The following PCDHGB3 variants were observed in gnomAD, a reference collection of about 807,000 sequenced individuals.
PCDHGB3 encodes protocadherin gamma subfamily B, 3, also known as protocadherin gamma-B3.
PCDHGB3 carries 40 observed loss-of-function variants against 59.2 expected under a neutral mutation model. The ratio of observed to expected loss-of-function variants is 0.68; its 90% CI spans 0.52 to 0.88. PCDHGB3 has a LOEUF of 0.88. PCDHGB3 is among the 40% of genes least tolerant of loss of function. The pLI, the probability that PCDHGB3 is intolerant of heterozygous loss-of-function variation, is 0.00. For synonymous variants in PCDHGB3, 581 were observed against 503.6 expected (o/e 1.15, Z -2.06); for missense variants, 1,309 against 1,187.9 (o/e 1.10, Z -1.50).
intron 1 of PCDHGB3, among the ~76,000 whole-genome samples, chr5:141,454,607 T>C (rs1207742002): frequency 6.6e-6 from 1 of 151,574 alleles, no homozygotes; most frequent in Non-Finnish European, 1.5e-5. Flanking sequence ...GGTTTCTCCA[T>C]GTTGGTCAGG....
At chr5:141,466,348 G>A (rs2099120992) in intron 1 of PCDHGB3, among the ~76,000 whole-genome samples, 2 of 151,876 alleles carry the variant, frequency 1.3e-5, no homozygotes, top group Admixed American at 6.6e-5. Context: ...TTTTTTTGCA[G>A]CTAATCTAGA....
At chr5:141,387,016 T>C (rs2090783508) in intron 1 of PCDHGB3, among the ~76,000 whole-genome samples, 1 of 152,202 alleles carries the variant, frequency 6.6e-6, no homozygotes, top group South Asian at 2.1e-4. Flanking sequence ...ACTTTGAAGA[T>C]GAATGTTGTA....
At chr5:141,392,668 C>T in intron 1 of PCDHGB3, 2 of 849,812 alleles carry the variant, frequency 2.4e-6, no homozygotes, top group Admixed American at 3.2e-5. Flanking sequence ...CACAAACTAA[C>T]TGCTGGACTG....
chr5:141,383,057 G>A (rs1778763110), intron 1 of PCDHGB3: 2 of 1,613,902 alleles, frequency 1.2e-6, no homozygotes, highest in Non-Finnish European at 1.7e-6. Context: ...AAGGACCTGG[G>A]GCTGGAGCCC....
At chr5:141,387,019 A>G (rs753625930) in intron 1 of PCDHGB3, among the ~76,000 whole-genome samples, 1 of 152,192 alleles carries the variant, frequency 6.6e-6, no homozygotes, top group Non-Finnish European at 1.5e-5. Context: ...TTGAAGATGA[A>G]TGTTGTATTT....
intron 1 of PCDHGB3, chr5:141,423,914 A>G (rs2096790099): frequency 3.0e-5 from 38 of 1,268,116 alleles, no homozygotes; most frequent in Non-Finnish European, 3.0e-6. Flanking sequence ...GGGGCCATTC[A>G]ACTATGCTGG....
intron 1 of PCDHGB3, chr5:141,414,145 C>T (rs1157390595): frequency 6.3e-7 from 1 of 1,597,566 alleles, no homozygotes; most frequent in Non-Finnish European, 8.5e-7. Context: ...AATAGAAATA[C>T]AAGCAGAAGA....
At chr5:141,427,818 G>A (rs1356936077) in intron 1 of PCDHGB3, 3 of 1,530,644 alleles carry the variant, frequency 2.0e-6, no homozygotes, top group Non-Finnish European at 2.7e-6. Context: ...GAGCGGGGTG[G>A]TGGTCGCGCA....
intron 1 of PCDHGB3, among the ~76,000 whole-genome samples, chr5:141,454,657 C>T (rs554561906): frequency 5.1e-4 from 77 of 152,192 alleles, no homozygotes; most frequent in African/African-American, 1.7e-3. Flanking sequence ...CTGCCCACCT[C>T]GGCCTCCCAA....
chr5:141,375,000 A>G (rs1771022536), intron 1 of PCDHGB3: 3 of 1,614,046 alleles, frequency 1.9e-6, no homozygotes, highest in Non-Finnish European at 8.5e-7. Context: ...ACTTCTGCAA[A>G]TCTAGACTAT....
rs760878091 is a variant in PCDHGB3 at position 141,476,406 on chromosome 5, T to A, written c.2416-18401T>A. The A allele has an allele frequency of 6.2e-7, 1 of 1,614,054 alleles. No individual in the cohort carries two copies. The highest frequency in any genetic ancestry group is 8.5e-7 in the Non-Finnish European group (1 of 1,180,002). On this transcript the variant is annotated intron_variant, in intron 1 of 3. Transcript: ENST00000576222. The surrounding 1 kb of genome is among the most constrained non-coding windows in gnomAD (Gnocchi z 7.6). Reference sequence around the variant, plus strand: ...AACGACCGTCTGGATCGAGAGGAGCTGTGTGGGACACTGCCCTCTTGCACT... The same window carrying A: ...AACGACCGTCTGGATCGAGAGGAGCAGTGTGGGACACTGCCCTCTTGCACT...
chr5:141,428,227 A>T (rs2154552643), intron 1 of PCDHGB3: 1 of 1,100,784 alleles, frequency 9.1e-7, no homozygotes, highest in Admixed American at 1.9e-5. Context: ...CTTCGCAGAC[A>T]GCCTGCAGGA....
At chr5:141,410,425 C>G (rs779212749) in intron 1 of PCDHGB3, 1 of 1,614,030 alleles carries the variant, frequency 6.2e-7, no homozygotes, top group South Asian at 1.1e-5. Flanking sequence ...TAGTTCCCCC[C>G]AACTACAGTG....
chr5:141,490,061 A>T lies in PCDHGB3; in HGVS notation c.2416-4746A>T. The stretch of plus-strand genomic sequence containing the variant: ...GCCACTGATCCAGACGAGGGCACCA[A>T]CGGCCAACTAGACTATTCTTTTGGA... On this transcript the variant is annotated intron_variant, in intron 1 of 3. Transcript: ENST00000576222. This position sits in a 1 kb window ranked among gnomAD's most constrained non-coding sequence, Gnocchi z 5.4. 1 of 1,614,214 alleles carries T rather than the reference A, an allele frequency of 6.2e-7. No homozygotes were observed. The highest frequency in any genetic ancestry group is 8.5e-7 in the Non-Finnish European group (1 of 1,180,030).
At chr5:141,378,814 T>C (rs915920148) in intron 1 of PCDHGB3, 6 of 152,232 alleles carry the variant, frequency 3.9e-5, no homozygotes, top group Non-Finnish European at 8.8e-5. Flanking sequence ...AACAGAATCA[T>C]TGTTTCATGA....
chr5:141,455,448 C>T (rs1403500578), intron 1 of PCDHGB3, among the ~76,000 whole-genome samples: 1 of 152,112 alleles, frequency 6.6e-6, no homozygotes, highest in African/African-American at 2.4e-5. Context: ...CCATCTACCG[C>T]GGATACCAGC....
intron 1 of PCDHGB3, chr5:141,421,732 C>T: frequency 6.2e-7 from 1 of 1,613,934 alleles, no homozygotes; most frequent in Non-Finnish European, 8.5e-7. Flanking sequence ...GAACTCCCTC[C>T]AGAGCTACCA....
chr5:141,419,981 A>G (rs2096455772), intron 1 of PCDHGB3: 2 of 1,613,934 alleles, frequency 1.2e-6, no homozygotes, highest in East Asian at 2.2e-5. Flanking sequence ...CCTCGCGGTG[A>G]TTCTAGCTAT....
chr5:141,483,711 A>G (rs1258383632), intron 1 of PCDHGB3, among the ~76,000 whole-genome samples: 2 of 152,122 alleles, frequency 1.3e-5, no homozygotes, highest in African/African-American at 2.4e-5. Context: ...TGACACCAGA[A>G]TATTGGTTCC....
Sources: gnomAD v4.1 joint callset for allele counts (sites outside exome capture counted in the v4.1 genomes callset) on GRCh38, gnomAD v4.1.1 for gene constraint, Gnocchi (gnomAD v3.1) non-coding constraint, MANE v1.5 for transcripts, NCBI Gene and HGNC (gene_info 2026-07-23, HGNC 2026-07-21) for gene names.